ZMIZ1: variants seen among roughly 807,000 people sequenced by gnomAD.
ZMIZ1 encodes the protein zinc finger MIZ-type containing 1.
ZMIZ1 carries 17 observed loss-of-function variants against 113.9 expected under a neutral mutation model. The ratio of observed to expected loss-of-function variants is 0.15; its 90% confidence interval spans 0.10 to 0.22. The LOEUF (loss-of-function observed/expected upper bound fraction) is 0.22. Among genes scored for constraint, ZMIZ1 ranks in the 10% least tolerant of loss-of-function variants. ZMIZ1 has a pLI of 1.00. For missense variants in ZMIZ1, 1,059 were observed against 1,477.8 expected, an observed-to-expected ratio of 0.72 and a Z score of 4.65; for synonymous variants, 607 against 603.1, an observed-to-expected ratio of 1.01 and a Z score of -0.09.
At chr10:79,212,630 C>T (rs1407972664) in intron 6 of ZMIZ1, among the ~76,000 whole-genome samples, 1 of 152,116 alleles carries the variant, frequency 6.6e-6, no homozygotes, top group Non-Finnish European at 1.5e-5. Context: ...GTGGCACACG[C>T]CTGTAATCCC....
intron 4 of ZMIZ1, among the ~76,000 whole-genome samples, chr10:79,190,295 G>T (rs1469452965): frequency 6.6e-6 from 1 of 152,218 alleles, no homozygotes; most frequent in Admixed American, 6.5e-5. Flanking sequence ...GGGTGGACTG[G>T]ATGTGGTTGG....
intron 7 of ZMIZ1, among the ~76,000 whole-genome samples, chr10:79,241,832 T>TGTCA (rs1849846253): frequency 6.6e-6 from 1 of 152,082 alleles, no homozygotes; most frequent in African/African-American, 2.4e-5. Context: ...AGTCAGGAGA[T>TGTCA]GTCACCTCAA....
At chr10:79,261,229 G>A (rs1204348076) in intron 7 of ZMIZ1, among the ~76,000 whole-genome samples, 3 of 152,320 alleles carry the variant, frequency 2.0e-5, no homozygotes, top group East Asian at 1.9e-4. Flanking sequence ...CATCCAGTTC[G>A]TGCTTGCCCA....
At chr10:79,308,490 G>T (rs1854888539) in intron 23 of ZMIZ1, among the ~76,000 whole-genome samples, 1 of 152,158 alleles carries the variant, frequency 6.6e-6, no homozygotes, top group Non-Finnish European at 1.5e-5. Context: ...CAGGGAGAGG[G>T]CCCGGGGTCC....
Position 79,270,024 on chromosome 10 carries a change from C to G in ZMIZ1, c.281-7157C>G, listed in dbSNP as rs140111276. 3.2e-3 allele frequency among the ~76,000 whole-genome samples: 480 copies of G among 152,334 alleles called. 3 individuals are homozygous for G. The highest frequency in any genetic ancestry group is 0.011 in the African/African-American group (466 of 41,568). On this transcript the variant is annotated intron_variant, in intron 7 of 24. Coordinates refer to ENST00000334512, the MANE Select transcript of ZMIZ1 (RefSeq NM_020338.4). ...AGGGCTGCACTCCTCTGCCTCTCAC[C>G]TCCTCATTTGGTCAGCCAGTCCTGG...
At chr10:79,177,414 G>A (rs921582899) in intron 4 of ZMIZ1, among the ~76,000 whole-genome samples, 13 of 152,192 alleles carry the variant, frequency 8.5e-5, no homozygotes, top group African/African-American at 2.9e-4. Context: ...TGGAGAAGCC[G>A]CCCTGTGCCC....
chr10:79,190,818 T>C (rs1270902738), intron 4 of ZMIZ1, among the ~76,000 whole-genome samples: 1 of 152,182 alleles, frequency 6.6e-6, no homozygotes, highest in African/African-American at 2.4e-5. Context: ...GGCTCTTAGC[T>C]TGAAAAGAAC....
At chr10:79,114,510 T>C (rs866925629) in intron 1 of ZMIZ1, among the ~76,000 whole-genome samples, 15,847 of 113,682 alleles carry the variant, frequency 0.14, 1,163 homozygotes, top group Non-Finnish European at 0.17. Context: ...TGTGTGCGTG[T>C]GTGTGTGTGT....
At chr10:79,158,738 G>A (rs915301788) in intron 3 of ZMIZ1, among the ~76,000 whole-genome samples, 6 of 152,188 alleles carry the variant, frequency 3.9e-5, no homozygotes, top group African/African-American at 1.2e-4. Flanking sequence ...CTGGAGGTGG[G>A]GCTGGGAAGG....
At chr10:79,290,810 A>G in intron 9 of ZMIZ1, 149 bp from the exon 10 acceptor site, 1 of 891,298 alleles carries the variant, frequency 1.1e-6, no homozygotes, top group Non-Finnish European at 1.8e-6. Flanking sequence ...GTACACTCAG[A>G]ATAGTTCATC....
At chr10:79,078,717 G>GTTTTTTTTTTTTT (rs781149546) in intron 1 of ZMIZ1, among the ~76,000 whole-genome samples, 1 of 53,900 alleles carries the variant, frequency 1.9e-5, no homozygotes, top group Non-Finnish European at 3.9e-5. Flanking sequence ...GCTAATTTTT[G>GTTTTTTTTTTTTT]TATTTTTTTT....
intron 1 of ZMIZ1, among the ~76,000 whole-genome samples, chr10:79,107,186 G>A (rs1159149270): frequency 6.6e-6 from 1 of 152,186 alleles, no homozygotes; most frequent in African/African-American, 2.4e-5. Context: ...CCATCTTCTG[G>A]CCACTTCACT....
intron 7 of ZMIZ1, among the ~76,000 whole-genome samples, chr10:79,272,728 A>G (rs1308666204): frequency 6.6e-6 from 1 of 152,196 alleles, no homozygotes; most frequent in African/African-American, 2.4e-5. Flanking sequence ...GGTCACAAGG[A>G]TGCAGTTTGG....
intron 7 of ZMIZ1, among the ~76,000 whole-genome samples, chr10:79,257,447 T>C (rs1850986214): frequency 6.6e-6 from 1 of 152,208 alleles, no homozygotes; most frequent in Admixed American, 6.5e-5. Flanking sequence ...AACCAGAAAC[T>C]CTGTTGGCTG....
At chr10:79,283,763 C>T (rs533890679) in intron 8 of ZMIZ1, among the ~76,000 whole-genome samples, 2 of 152,340 alleles carry the variant, frequency 1.3e-5, no homozygotes, top group Admixed American at 6.5e-5. Flanking sequence ...AGTTTTAACA[C>T]CCTCTAATAT....
intron 4 of ZMIZ1, among the ~76,000 whole-genome samples, chr10:79,181,522 C>T (rs1385213494): frequency 6.6e-6 from 1 of 152,170 alleles, no homozygotes; most frequent in Non-Finnish European, 1.5e-5. Context: ...GCAACCAGAC[C>T]CCAGAGGCAC....
At chr10:79,302,350 G>A (rs12356376) in intron 18 of ZMIZ1, 138 bp downstream of exon 18, 59,728 of 832,400 alleles carry the variant, frequency 0.072, 2,679 homozygotes, top group African/African-American at 0.17. Flanking sequence ...GTCCCTGAGC[G>A]CGCCCTGTCC....
chr10:79,240,390 G>T (rs530149275), intron 7 of ZMIZ1, among the ~76,000 whole-genome samples: 2 of 152,316 alleles, frequency 1.3e-5, no homozygotes, highest in Admixed American at 1.3e-4. Context: ...AGTTGGAGAA[G>T]TGGAGTTGGA....
chr10:79,091,019 A>T (rs2132225628), intron 1 of ZMIZ1, among the ~76,000 whole-genome samples: 1 of 151,762 alleles, frequency 6.6e-6, no homozygotes, highest in African/African-American at 2.4e-5. Context: ...TGCTTCCACC[A>T]CTCCCCACCT....
Sources: gnomAD v4.1 joint callset for allele counts (sites outside exome capture counted in the v4.1 genomes callset) on GRCh38, gnomAD v4.1.1 for gene constraint, MANE v1.5 for transcripts, NCBI Gene and HGNC (gene_info 2026-07-23, HGNC 2026-07-21) for gene names.